Variants in PDZRN4 observed in about 807,000 individuals in gnomAD.
The protein encoded by PDZRN4 is PDZ domain containing ring finger 4, also known as PDZ domain-containing RING finger protein 4.
PDZRN4 carries 70 observed loss-of-function variants against 99.0 expected under a neutral mutation model. The observed-to-expected ratio is 0.71, with a 90% confidence interval of 0.58 to 0.86. PDZRN4 has a LOEUF of 0.86. PDZRN4 is among the 40% of genes least tolerant of loss of function. The pLI, the probability that PDZRN4 is intolerant of heterozygous loss-of-function variation, is 0.00. For synonymous variants in PDZRN4, 551 were observed against 501.6 expected, an observed-to-expected ratio of 1.10 and a Z score of -1.32; for missense variants, 1,474 against 1,331.2, an observed-to-expected ratio of 1.11 and a Z score of -1.67.
At chr12:41,422,562 A>G (rs1254529488) in intron 3 of PDZRN4, among the ~76,000 whole-genome samples, 2 of 152,102 alleles carry the variant, frequency 1.3e-5, no homozygotes, top group African/African-American at 4.8e-5. Context: ...GGTGAAGGGG[A>G]AGCAAGGACC....
At chr12:41,531,039 G>A (rs531411593) in intron 5 of PDZRN4, among the ~76,000 whole-genome samples, 65 of 152,094 alleles carry the variant, frequency 4.3e-4, no homozygotes, top group Non-Finnish European at 7.9e-4. Flanking sequence ...TGTGTTACAG[G>A]GTGCTCTATT....
rs1212901936 is a variant in PDZRN4, at chr12:41,485,948, CA to C, written c.844-20507del. ...CACTTACTGAGATAGACTAAGACAA[CA>C]TACTGTTTAGGAAAGAAGAAAAAAT... On this transcript the variant is annotated intron_variant, in intron 3 of 9. Transcript: ENST00000402685. 2.6e-5 allele frequency among the ~76,000 whole-genome samples: 4 copies of C among 152,146 alleles called. No individual in the cohort carries two copies. In the East Asian group the frequency reaches 7.7e-4, roughly 29 times the overall value.
chr12:41,542,857 A>G (rs1309126694), intron 5 of PDZRN4, among the ~76,000 whole-genome samples: 1 of 152,194 alleles, frequency 6.6e-6, no homozygotes, highest in Non-Finnish European at 1.5e-5. Context: ...AAGATAAAAT[A>G]GAAGAAATTT....
chr12:41,357,359 C>T (rs973956204), intron 3 of PDZRN4, among the ~76,000 whole-genome samples: 1 of 151,892 alleles, frequency 6.6e-6, no homozygotes, highest in Non-Finnish European at 1.5e-5. Context: ...TATACATCTA[C>T]ATAAGAGAAA....
Position 41,268,478 on chromosome 12 carries a change from T to A in PDZRN4, c.843+74290T>A, listed in dbSNP as rs138772194. On this transcript the variant is annotated intron_variant, in intron 3 of 9. Coordinates refer to ENST00000402685, the MANE Select transcript of PDZRN4 (RefSeq NM_001164595.2). ...GTTTTCTTGACCAAACCAGACAGGC[T>A]CCAAAGGATAAAGGTTAAACAAATT... Among the ~76,000 whole-genome samples the A allele has an allele frequency of 2.0e-4, 31 of 152,350 alleles. No individual in the cohort carries two copies. The East Asian group carries it at 5.8e-3, about 28-fold the overall frequency.
At chr12:41,366,653 T>C (rs563651093) in intron 3 of PDZRN4, among the ~76,000 whole-genome samples, 2 of 152,132 alleles carry the variant, frequency 1.3e-5, no homozygotes, top group East Asian at 3.9e-4. Context: ...ATAAAATGGG[T>C]ATTAATGGGT....
intron 3 of PDZRN4, among the ~76,000 whole-genome samples, chr12:41,503,669 C>G (rs1423590219): frequency 6.6e-6 from 1 of 152,096 alleles, no homozygotes; most frequent in Non-Finnish European, 1.5e-5. Flanking sequence ...AGCAAATAAA[C>G]ATTCAGAACA....
chr12:41,218,092 T>G (rs910838072), intron 3 of PDZRN4, among the ~76,000 whole-genome samples: 3 of 152,126 alleles, frequency 2.0e-5, no homozygotes, highest in African/African-American at 7.2e-5. Flanking sequence ...TTCAGGCTGC[T>G]CCCTCTGCAT....
chr12:41,255,402 C>T (rs12315362), intron 3 of PDZRN4, among the ~76,000 whole-genome samples: 13,613 of 151,990 alleles, frequency 0.09, 811 homozygotes, highest in African/African-American at 0.17. Context: ...TAAACCTTAA[C>T]AGAAAGTTTT....
chr12:41,572,899 T>C lies in PDZRN4; in HGVS notation c.2120T>C (p.Phe707Ser), dbSNP rs768916802. The C allele has an allele frequency of 5.0e-6, 8 of 1,613,948 alleles. No homozygotes were observed. The East Asian group carries it at 1.8e-4, about 36-fold the overall frequency. The change falls in exon 10 of 10, where the codon TTC becomes TCC. Residue 707 changes from phenylalanine to serine, a missense_variant. Physicochemically the swap from Phe to Ser is radical, Grantham distance 155 (BLOSUM62 -2). Coordinates refer to ENST00000402685, the MANE Select transcript of PDZRN4 (RefSeq NM_001164595.2). ...GDIWTLHDGG[F>S]RNYNTSIDMQ... ...ATCTGGACATTGCATGATGGAGGATTCCGGAATTATAACACCAGCATAGAT... is the reference window on the plus strand; with the variant it reads ...ATCTGGACATTGCATGATGGAGGATCCCGGAATTATAACACCAGCATAGAT...
chr12:41,539,184 C>CA (rs1419921417), intron 5 of PDZRN4, among the ~76,000 whole-genome samples: 1 of 151,840 alleles, frequency 6.6e-6, no homozygotes, highest in Non-Finnish European at 1.5e-5. Context: ...CATATCTCCT[C>CA]AAAATGACTT....
intron 3 of PDZRN4, among the ~76,000 whole-genome samples, chr12:41,472,782 C>G (rs1405118634): frequency 6.6e-6 from 1 of 152,160 alleles, no homozygotes; most frequent in Non-Finnish European, 1.5e-5. Flanking sequence ...AAAACTGTGG[C>G]ATAGAATAGC....
chr12:41,452,968 G>A (rs965053789), intron 3 of PDZRN4, among the ~76,000 whole-genome samples: 1 of 152,058 alleles, frequency 6.6e-6, no homozygotes, highest in Middle Eastern at 3.2e-3. Context: ...GAAGGTAGTC[G>A]GACTGGGCAG....
chr12:41,314,601 G>A (rs11180779), intron 3 of PDZRN4, among the ~76,000 whole-genome samples: 1,657 of 152,230 alleles, frequency 0.011, 41 homozygotes, highest in East Asian at 0.095. Flanking sequence ...AAGGAAGAGG[G>A]CAATTTCATG....
chr12:41,188,704 C>A lies in PDZRN4; in HGVS notation c.249C>A (p.Tyr83Ter). ...LIQKLRVQCD[Y>*]RARGCGHSVR... ...AGAAGCTGCGAGTCCAGTGCGACTACCGCGCCCGCGGCTGCGGCCACTCGG... is the reference window on the plus strand; with the variant it reads ...AGAAGCTGCGAGTCCAGTGCGACTAACGCGCCCGCGGCTGCGGCCACTCGG... The change falls in exon 1 of 10, where the codon TAC (tyrosine) becomes TAA (stop). Residue 83 changes from tyrosine (Y) to a stop codon, truncating the protein, a stop_gained. Transcript: ENST00000402685. LOFTEE classifies it high-confidence loss of function. 6.4e-7 allele frequency: 1 copy of A among 1,556,208 alleles called. No homozygotes were observed. Among genetic ancestry groups the A allele is most frequent in the Non-Finnish European group, 8.6e-7 (1 of 1,161,510 alleles).
chr12:41,565,778 T>A (rs1347265427), intron 8 of PDZRN4, among the ~76,000 whole-genome samples: 3 of 152,142 alleles, frequency 2.0e-5, no homozygotes, highest in African/African-American at 7.2e-5. Context: ...CTGTCCTATT[T>A]CCCTCAGGAC....
intron 3 of PDZRN4, among the ~76,000 whole-genome samples, chr12:41,283,837 C>T (rs1372119089): frequency 6.6e-6 from 1 of 152,128 alleles, no homozygotes; most frequent in Non-Finnish European, 1.5e-5. Flanking sequence ...ACTCAATAAA[C>T]TAAGTACTGA....
intron 3 of PDZRN4, among the ~76,000 whole-genome samples, chr12:41,342,726 T>C (rs546691876): frequency 6.6e-6 from 1 of 152,040 alleles, no homozygotes; most frequent in Admixed American, 6.6e-5. Flanking sequence ...GGCAAATATA[T>C]GGAGAAAAGA....
intron 7 of PDZRN4, among the ~76,000 whole-genome samples, chr12:41,558,641 A>G (rs1939211402): frequency 6.6e-6 from 1 of 152,214 alleles, no homozygotes; most frequent in African/African-American, 2.4e-5. Context: ...TACCTGCTAG[A>G]TAATAAAGCA....
Sources: allele counts gnomAD v4.1 joint callset (sites outside exome capture counted in the v4.1 genomes callset), GRCh38; gene constraint gnomAD v4.1.1; transcripts MANE v1.5; gene names NCBI Gene and HGNC (gene_info 2026-07-23, HGNC 2026-07-21).